The following PCCA variants were observed in gnomAD, a reference collection of about 807,000 sequenced individuals.
The protein encoded by PCCA is propionyl-CoA carboxylase alpha chain, mitochondrial.
PCCA carries 74 observed loss-of-function variants against 101.3 expected under a neutral mutation model. The observed-to-expected ratio is 0.73, with a 90% CI of 0.61 to 0.89. The LOEUF (loss-of-function observed/expected upper bound fraction) is 0.89, where lower values mean the gene tolerates loss of function less well. Ranked by LOEUF, PCCA falls within the 40% of genes least tolerant of loss-of-function variation. The pLI, the probability that PCCA is intolerant of heterozygous loss-of-function variation, is 0.00. For missense variants in PCCA, 891 were observed against 907.0 expected, an observed-to-expected ratio of 0.98 and a Z score of 0.23; for synonymous variants, 294 against 313.6, an observed-to-expected ratio of 0.94 and a Z score of 0.66.
chr13:100,402,018 C>T (rs919605705), intron 19 of PCCA, among the ~76,000 whole-genome samples: 5 of 151,934 alleles, frequency 3.3e-5, no homozygotes, highest in Non-Finnish European at 5.9e-5. Context: ...TATACGTGTG[C>T]GTGGTGATGA....
At chr13:100,402,557 C>T (rs577555438) in intron 19 of PCCA, among the ~76,000 whole-genome samples, 249 of 152,078 alleles carry the variant, frequency 1.6e-3, no homozygotes, top group Non-Finnish European at 2.9e-3. Context: ...AGGAATAATG[C>T]CCACCCTCAC....
intron 19 of PCCA, among the ~76,000 whole-genome samples, chr13:100,405,175 T>C (rs1300976869): frequency 6.6e-6 from 1 of 152,200 alleles, no homozygotes; most frequent in Non-Finnish European, 1.5e-5. Context: ...TGCTTGGCTT[T>C]GGTTCACTCC....
rs1462507285 is a variant in PCCA at position 100,316,763 on chromosome 13, A to G, written c.1429+6855A>G. Among the ~76,000 whole-genome samples, 4 of 151,306 alleles carry G rather than the reference A, an allele frequency of 2.6e-5. No homozygotes were observed. In the East Asian group the frequency reaches 7.7e-4, roughly 29 times the overall value. ...AAGTTAAATATGAAATATTAAATAT[A>G]TATGTTAATAGTATTCTTTTTTTTT... On this transcript the variant is annotated intron_variant, in intron 16 of 23. Transcript: ENST00000376285.
intron 8 of PCCA, among the ~76,000 whole-genome samples, chr13:100,242,465 A>G (rs866097584): frequency 2.0e-5 from 3 of 152,224 alleles, no homozygotes; most frequent in Non-Finnish European, 2.9e-5. Context: ...ATAGCACACT[A>G]TAAGTAATGG....
chr13:100,136,102 C>A (rs2051128355), intron 4 of PCCA, among the ~76,000 whole-genome samples: 1 of 149,756 alleles, frequency 6.7e-6, no homozygotes, highest in East Asian at 1.9e-4. Flanking sequence ...TTTTTGTGTA[C>A]TGTCTTTGGT....
intron 20 of PCCA, among the ~76,000 whole-genome samples, chr13:100,433,840 C>T (rs1177674492): frequency 6.6e-6 from 1 of 152,194 alleles, no homozygotes; most frequent in Non-Finnish European, 1.5e-5. Context: ...TAACAAAAGA[C>T]AGGTTAACAA....
In PCCA at chr13:100,469,211, C is replaced by CAAAAAAAAAAAAAAAAAA. The variant is rs534361898; in HGVS notation, c.1899+19922_1899+19923insAAAAAAAAAAAAAAAAAA. ...GGGCAACAAGAGTGAAACTCCGTCT[C>CAAAAAAAAAAAAAAAAAA]AAAAAAAAAAAAAAAAGAATCCCTT... On this transcript the variant is annotated intron_variant, in intron 21 of 23. Coordinates refer to ENST00000376285, the MANE Select transcript of PCCA (RefSeq NM_000282.4). Among the ~76,000 whole-genome samples, 157 of 64,916 alleles carry CAAAAAAAAAAAAAAAAAA rather than the reference C, an allele frequency of 2.4e-3. 5 individuals carry two copies. The highest frequency in any genetic ancestry group is 3.0e-3 in the Non-Finnish European group (99 of 33,208). 42.6% of individuals were successfully genotyped at this position (64,916 alleles called of 152,430 possible). A position where few individuals can be genotyped will look rare whatever the true frequency, so the allele number is the denominator to read the frequency against.
At chr13:100,185,327 T>C (rs764523948) in intron 6 of PCCA, among the ~76,000 whole-genome samples, 2 of 152,120 alleles carry the variant, frequency 1.3e-5, no homozygotes, top group Non-Finnish European at 2.9e-5. Flanking sequence ...TTTCTCTCTT[T>C]TTATCTTTTC....
intron 1 of PCCA, among the ~76,000 whole-genome samples, chr13:100,096,799 C>G (rs575144389): frequency 2.6e-5 from 4 of 152,220 alleles, no homozygotes; most frequent in African/African-American, 9.7e-5. Context: ...TAGCCTAATC[C>G]AGCGCAAGGT....
At chr13:100,467,743 C>G (rs1386001426) in intron 21 of PCCA, among the ~76,000 whole-genome samples, 1 of 152,178 alleles carries the variant, frequency 6.6e-6, no homozygotes, top group Non-Finnish European at 1.5e-5. Context: ...TGCTGTTTTC[C>G]CTACATCTGC....
At chr13:100,422,115 TTTCTTTTC>T (rs2078849908) in intron 19 of PCCA, among the ~76,000 whole-genome samples, 3 of 141,570 alleles carry the variant, frequency 2.1e-5, no homozygotes, top group Non-Finnish European at 4.6e-5. Flanking sequence ...TCTTTCTTTC[TTTCTTTTC>T]TTTCTTTCTT....
intron 21 of PCCA, among the ~76,000 whole-genome samples, chr13:100,459,303 A>G (rs1322736488): frequency 6.6e-6 from 1 of 152,216 alleles, no homozygotes; most frequent in African/African-American, 2.4e-5. Context: ...TTGGGATGAC[A>G]CTATTCAACC....
intron 21 of PCCA, among the ~76,000 whole-genome samples, chr13:100,494,864 A>G (rs1235306619): frequency 6.6e-6 from 1 of 151,986 alleles, no homozygotes; most frequent in African/African-American, 2.4e-5. Flanking sequence ...ACCATTTCCT[A>G]TACCCCTATT....
At chr13:100,182,130 C>T (rs1313514302) in intron 6 of PCCA, among the ~76,000 whole-genome samples, 2 of 128,636 alleles carry the variant, frequency 1.6e-5, no homozygotes, top group African/African-American at 3.1e-5. Context: ...TGGAGTCTTG[C>T]TCTGTTGCCC....
chr13:100,267,297 GAGTCTT>G (rs2063004276), intron 10 of PCCA, among the ~76,000 whole-genome samples: 1 of 152,118 alleles, frequency 6.6e-6, no homozygotes, highest in African/African-American at 2.4e-5. Context: ...AGCCACCTTT[GAGTCTT>G]AGAAAATTCC....
chr13:100,470,706 T>A (rs2082939671), intron 21 of PCCA, among the ~76,000 whole-genome samples: 1 of 151,974 alleles, frequency 6.6e-6, no homozygotes, highest in Non-Finnish European at 1.5e-5. Flanking sequence ...ATATGAAAAC[T>A]AGCTGGGCAT....
intron 20 of PCCA, among the ~76,000 whole-genome samples, chr13:100,441,657 G>A (rs1028858306): frequency 3.9e-5 from 6 of 152,110 alleles, no homozygotes; most frequent in African/African-American, 1.4e-4. Flanking sequence ...ATCTGGCTTT[G>A]GAGTGCCATT....
chr13:100,407,092 T>C (rs992289892), intron 19 of PCCA, among the ~76,000 whole-genome samples: 1 of 152,188 alleles, frequency 6.6e-6, no homozygotes, highest in East Asian at 1.9e-4. Flanking sequence ...TCTCCATGGT[T>C]TACAATAACT....
chr13:100,232,354 G>GTGCT (rs1190310545), intron 7 of PCCA, among the ~76,000 whole-genome samples: 3 of 131,034 alleles, frequency 2.3e-5, no homozygotes, highest in Non-Finnish European at 4.7e-5. Context: ...GTGTATGCGT[G>GTGCT]TGTGTGTGTG....
Sources: allele counts gnomAD v4.1 joint callset (sites outside exome capture counted in the v4.1 genomes callset), GRCh38; gene constraint gnomAD v4.1.1; transcripts MANE v1.5; gene names NCBI Gene and HGNC (gene_info 2026-07-23, HGNC 2026-07-21).